Variants in LRRC8C observed in about 807,000 individuals in gnomAD.
The protein encoded by LRRC8C is volume-regulated anion channel subunit LRRC8C.
In LRRC8C, 20 loss-of-function variants were observed where a neutral mutation model predicts 55.3. The observed-to-expected ratio is 0.36, with a 90% CI of 0.25 to 0.53. The LOEUF (loss-of-function observed/expected upper bound fraction) is 0.53. Ranked by LOEUF, LRRC8C falls within the 20% of genes least tolerant of loss-of-function variation. LRRC8C has a pLI of 0.92. For synonymous variants in LRRC8C, 376 were observed against 360.7 expected (o/e 1.04, Z -0.48); for missense variants, 659 against 951.4 (o/e 0.69, Z 4.04).
intron 1 of LRRC8C, among the ~76,000 whole-genome samples, chr1:89,647,888 G>C (rs4658130): frequency 0.56 from 84,634 of 151,786 alleles, 24,013 homozygotes; most frequent in East Asian, 0.79. Flanking sequence ...CATGGTGAGA[G>C]CCATCTCTAC....
At chr1:89,630,103 G>A (rs192962108), upstream of LRRC8C, among the ~76,000 whole-genome samples, 8 of 152,302 alleles carry the variant, frequency 5.3e-5, no homozygotes, top group East Asian at 1.3e-3. Context: ...CCTGGAAGGC[G>A]GAAGTTGCAG....
the LRRC8C span, among the ~76,000 whole-genome samples, chr1:89,625,437 A>G: frequency 6.6e-6 from 1 of 152,224 alleles, no homozygotes; most frequent in Admixed American, 6.5e-5. Flanking sequence ...CAAAAGTGCC[A>G]TTAATACATC....
At chr1:89,646,492 C>A (rs893080506) in intron 1 of LRRC8C, among the ~76,000 whole-genome samples, 2 of 152,046 alleles carry the variant, frequency 1.3e-5, no homozygotes, top group African/African-American at 4.8e-5. Flanking sequence ...AAAAATCAAT[C>A]ACTGTAATTC....
the LRRC8C span, chr1:89,626,236 A>T: frequency 1.3e-5 from 2 of 152,232 alleles, no homozygotes; most frequent in South Asian, 2.1e-4. Flanking sequence ...TTAAACTTAC[A>T]CTACATATGT....
At chr1:89,655,550 T>G (rs899829334) in intron 1 of LRRC8C, among the ~76,000 whole-genome samples, 2 of 152,222 alleles carry the variant, frequency 1.3e-5, no homozygotes, top group African/African-American at 4.8e-5. Flanking sequence ...AATATAAAAT[T>G]TTGGGCTTAC....
At chr1:89,634,913 T>C (rs1160347389) in intron 1 of LRRC8C, among the ~76,000 whole-genome samples, 1 of 152,146 alleles carries the variant, frequency 6.6e-6, no homozygotes, top group East Asian at 1.9e-4. Context: ...AAGATGGATA[T>C]TTGCCATGGT....
chr1:89,622,266 T>C, the LRRC8C span, among the ~76,000 whole-genome samples: 1 of 151,914 alleles, frequency 6.6e-6, no homozygotes, highest in African/African-American at 2.4e-5. Context: ...TCCCTATCTG[T>C]GAAATGGGAA....
intron 2 of LRRC8C, among the ~76,000 whole-genome samples, chr1:89,707,986 AAGAATTCTG>A (rs1488880187): frequency 6.6e-6 from 1 of 152,194 alleles, no homozygotes; most frequent in East Asian, 1.9e-4. Flanking sequence ...ATTTCATTCT[AAGAATTCTG>A]AGAATTCTTA....
At chr1:89,696,028 C>CA (rs1658163521) in intron 2 of LRRC8C, among the ~76,000 whole-genome samples, 1 of 152,094 alleles carries the variant, frequency 6.6e-6, no homozygotes, top group African/African-American at 2.4e-5. Flanking sequence ...AAAAACAAAA[C>CA]AAAAAACTGC....
chr1:89,666,535 C>T (rs1317778114), intron 1 of LRRC8C, among the ~76,000 whole-genome samples: 1 of 152,134 alleles, frequency 6.6e-6, no homozygotes, highest in Non-Finnish European at 1.5e-5. Flanking sequence ...CCTTTTCCAG[C>T]TCCATGCAGA....
chr1:89,623,186 GCACA>G, the LRRC8C span, among the ~76,000 whole-genome samples: 5 of 149,190 alleles, frequency 3.4e-5, no homozygotes, highest in Non-Finnish European at 6.0e-5. Context: ...ACACACATGC[GCACA>G]CACACACACA....
In LRRC8C at chr1:89,705,206, A is replaced by G. The variant is rs1038721780; in HGVS notation, c.139-7503A>G. ...CCAAACACCGCATATTCTCACTCAT[A>G]GGTGGGAATTGAACAGTGAGAACAC... On this transcript the variant is annotated intron_variant, in intron 2 of 2. Coordinates refer to ENST00000370454, the MANE Select transcript of LRRC8C (RefSeq NM_032270.5). 9.2e-5 allele frequency among the ~76,000 whole-genome samples: 13 copies of G among 141,526 alleles called. 1 individual carries two copies. The highest frequency in any genetic ancestry group is 3.8e-4 in the Admixed American group (5 of 13,030). 92.8% of individuals were successfully genotyped at this position (141,526 alleles called of 152,430 possible). A position where few individuals can be genotyped will look rare whatever the true frequency, so the allele number is the denominator to read the frequency against.
intron 1 of LRRC8C, among the ~76,000 whole-genome samples, chr1:89,675,808 A>G (rs1657531919): frequency 6.6e-6 from 1 of 152,158 alleles, no homozygotes; most frequent in Admixed American, 6.6e-5. Flanking sequence ...TTTAAAGGAG[A>G]CAGAAAAGAA....
chr1:89,686,442 G>A, intron 1 of LRRC8C, 28 bp from the exon 2 acceptor site: 1 of 1,612,650 alleles, frequency 6.2e-7, no homozygotes, highest in Non-Finnish European at 8.5e-7. Flanking sequence ...AAGATAAATT[G>A]ATTTACAAGT....
rs572520379 is a variant in LRRC8C at position 89,706,311 on chromosome 1, C to G, written c.139-6398C>G. ...TTCTTTGTTATTTCAGGCAGTTTCT[C>G]TGAAGCTAAGTGGTTTTATTTTGTT... is the stretch of plus-strand genomic sequence containing the variant. On this transcript the variant is annotated intron_variant, in intron 2 of 2. Transcript: ENST00000370454. The G allele has an allele frequency of 8.6e-4, 394 of 456,198 alleles. 13 individuals carry two copies. The highest frequency in any genetic ancestry group is 6.0e-3 in the South Asian group (388 of 64,564). 28.3% of individuals were successfully genotyped at this position (456,198 alleles called of 1,614,324 possible).
chr1:89,654,948 T>A (rs1245055726), intron 1 of LRRC8C, among the ~76,000 whole-genome samples: 1 of 149,388 alleles, frequency 6.7e-6, no homozygotes, highest in Non-Finnish European at 1.5e-5. Context: ...GCCCAAGTGA[T>A]CCTCCTTCTT....
chr1:89,629,919 G>A (rs1312828143), upstream of LRRC8C: 2 of 152,258 alleles, frequency 1.3e-5, no homozygotes, highest in East Asian at 1.9e-4. Context: ...AGCACTTTGG[G>A]AGGCCAAGGC....
chr1:89,686,734 G>A, intron 2 of LRRC8C, 123 bp downstream of exon 2: 7 of 1,105,714 alleles, frequency 6.3e-6, no homozygotes, highest in Non-Finnish European at 9.1e-6. Flanking sequence ...CTCTGTGGAT[G>A]TATTTGTAAT....
intron 1 of LRRC8C, among the ~76,000 whole-genome samples, chr1:89,637,863 T>A (rs944772917): frequency 3.9e-5 from 6 of 152,050 alleles, no homozygotes; most frequent in Non-Finnish European, 7.4e-5. Context: ...CCATCACAAA[T>A]TTGAGGAGTG....
Sources: gnomAD v4.1 joint callset for allele counts (sites outside exome capture counted in the v4.1 genomes callset) on GRCh38, gnomAD v4.1.1 for gene constraint, MANE v1.5 for transcripts, NCBI Gene and HGNC (gene_info 2026-07-23, HGNC 2026-07-21) for gene names.